Variants in SLC35D2 observed in about 807,000 individuals in gnomAD.
SLC35D2 encodes the protein solute carrier family 35 member D2, also known as nucleotide sugar transporter SLC35D2.
A neutral mutation model predicts 41.8 loss-of-function variants in SLC35D2; 43 were observed. The observed-to-expected ratio is 1.03, with a 90% CI of 0.81 to 1.33. SLC35D2 has a LOEUF of 1.33. SLC35D2 is among the 40% of genes most tolerant of loss of function. The pLI is 0.00. For missense variants in SLC35D2, 380 were observed against 408.4 expected (o/e 0.93, Z 0.60); for synonymous variants, 150 against 163.9 (o/e 0.92, Z 0.65).
At chr9:96,381,732 A>T (rs529163435) in intron 1 of SLC35D2, among the ~76,000 whole-genome samples, 2 of 152,314 alleles carry the variant, frequency 1.3e-5, no homozygotes, top group African/African-American at 4.8e-5. Flanking sequence ...AACGGTGGGA[A>T]AACACTGTTC....
At chr9:96,380,706 C>T (rs978506815) in intron 1 of SLC35D2, among the ~76,000 whole-genome samples, 5 of 151,986 alleles carry the variant, frequency 3.3e-5, no homozygotes, top group African/African-American at 1.2e-4. Context: ...AAATCCTGAC[C>T]TCATGATCTG....
intron 4 of SLC35D2, among the ~76,000 whole-genome samples, chr9:96,358,254 C>T (rs1830122652): frequency 6.6e-6 from 1 of 151,372 alleles, no homozygotes; most frequent in Admixed American, 6.6e-5. Context: ...TATGAGATGT[C>T]TAGAGTAGGC....
chr9:96,367,913 C>T (rs1041450193), intron 2 of SLC35D2, among the ~76,000 whole-genome samples: 2 of 152,208 alleles, frequency 1.3e-5, no homozygotes, highest in Admixed American at 6.5e-5. Flanking sequence ...AAGTATCAAG[C>T]TGACACTTTG....
At chr9:96,332,203 A>G (rs1165170002) in intron 9 of SLC35D2, among the ~76,000 whole-genome samples, 1 of 152,202 alleles carries the variant, frequency 6.6e-6, no homozygotes, top group Non-Finnish European at 1.5e-5. Context: ...GAAAGCAGGT[A>G]AGAGGCTGAG....
At chr9:96,332,768 G>A (rs1828866029) in intron 9 of SLC35D2, among the ~76,000 whole-genome samples, 1 of 151,800 alleles carries the variant, frequency 6.6e-6, no homozygotes, top group Admixed American at 6.6e-5. Context: ...GACACAGCGA[G>A]ACTCCATCTT....
intron 4 of SLC35D2, among the ~76,000 whole-genome samples, chr9:96,358,100 A>ATATATATATATATATC (rs1446341463): frequency 7.9e-6 from 1 of 126,498 alleles, no homozygotes; most frequent in African/African-American, 3.1e-5. Flanking sequence ...ATATATATAT[A>ATATATATATATATATC]TATATATACC....
intron 9 of SLC35D2, among the ~76,000 whole-genome samples, chr9:96,326,125 G>C (rs924960533): frequency 2.0e-5 from 3 of 152,172 alleles, no homozygotes; most frequent in Admixed American, 6.5e-5. Context: ...AAAGAAGAGC[G>C]TCGAAGTCTG....
intron 8 of SLC35D2, among the ~76,000 whole-genome samples, chr9:96,340,487 G>A (rs145892391): frequency 0.012 from 1,815 of 151,440 alleles, 20 homozygotes; most frequent in Non-Finnish European, 0.018. Flanking sequence ...CATCATGGTG[G>A]CGGGCGCCTG....
rs1828198357 is a variant in SLC35D2, at chr9:96,321,115, T to C, written c.*127A>G. Reference sequence around the variant, plus strand: ...CATATGAGGTAGTTCTCTTTGCATTTTGCAGATGCTCTCACTTGCCCAGGG... The same window carrying C: ...CATATGAGGTAGTTCTCTTTGCATTCTGCAGATGCTCTCACTTGCCCAGGG... On this transcript the variant is annotated 3_prime_UTR_variant, in exon 12 of 12. Transcript: ENST00000253270. 1.5e-6 allele frequency: 1 copy of C among 668,268 alleles called. No homozygotes were observed. The highest frequency in any genetic ancestry group is 1.8e-5 in the South Asian group (1 of 54,878). 41.4% of individuals were successfully genotyped at this position (668,268 alleles called of 1,614,324 possible).
At chr9:96,353,692 A>G (rs1829906094) in intron 4 of SLC35D2, among the ~76,000 whole-genome samples, 1 of 152,144 alleles carries the variant, frequency 6.6e-6, no homozygotes, top group African/African-American at 2.4e-5. Flanking sequence ...ATTATGGGTG[A>G]TTTTCTTCCC....
At chr9:96,324,268 C>T (rs7038558) in intron 9 of SLC35D2, 99 bp from the exon 10 acceptor site, 128,030 of 879,348 alleles carry the variant, frequency 0.15, 11,265 homozygotes, top group East Asian at 0.29. Context: ...GCACTTTAAG[C>T]GAAGAAAAAA....
At chr9:96,325,278 A>G (rs1294152599) in intron 9 of SLC35D2, among the ~76,000 whole-genome samples, 2 of 152,232 alleles carry the variant, frequency 1.3e-5, no homozygotes, top group Non-Finnish European at 2.9e-5. Flanking sequence ...AACCTCACCT[A>G]AGCTGCAACT....
intron 2 of SLC35D2, among the ~76,000 whole-genome samples, chr9:96,366,419 T>C (rs775134445): frequency 6.6e-6 from 1 of 151,818 alleles, no homozygotes. Flanking sequence ...CCTCAACAAA[T>C]TGCAAATCAG....
intron 9 of SLC35D2, among the ~76,000 whole-genome samples, chr9:96,325,912 G>C (rs1828505434): frequency 6.6e-6 from 1 of 152,148 alleles, no homozygotes; most frequent in African/African-American, 2.4e-5. Flanking sequence ...TGGCCTGAGT[G>C]TGTTTATTAC....
At chr9:96,316,409 G>A (rs1484680130), downstream of SLC35D2, among the ~76,000 whole-genome samples, 1 of 151,860 alleles carries the variant, frequency 6.6e-6, no homozygotes, top group Non-Finnish European at 1.5e-5. Context: ...GCTGAGGCAG[G>A]AGAATCCCTT....
intron 4 of SLC35D2, among the ~76,000 whole-genome samples, chr9:96,358,078 T>TATA (rs1491320526): frequency 2.3e-4 from 18 of 79,236 alleles, no homozygotes; most frequent in African/African-American, 1.1e-3. Context: ...ATATTATATA[T>TATA]TTTATATATA....
In SLC35D2 at chr9:96,383,702, C is replaced by T; in HGVS notation, c.-68G>A. On this transcript the variant is annotated 5_prime_UTR_variant, in exon 1 of 12. Transcript: ENST00000253270. ...GCGCACTGGTCCCGCCCGGCCGGGC[C>T]GGGGAAGAGGGCGCGGCAGGAACAG... 3 of 931,770 alleles carry T rather than the reference C, an allele frequency of 3.2e-6. No homozygotes were observed. Among genetic ancestry groups the T allele is most frequent in the South Asian group, 9.6e-5 (2 of 20,804 alleles). The allele number at this position is 931,770 out of a possible 1,614,324, so 57.7% of individuals were successfully genotyped here.
At chr9:96,320,537 A>G (rs1828170733), downstream of SLC35D2, among the ~76,000 whole-genome samples, 1 of 151,592 alleles carries the variant, frequency 6.6e-6, no homozygotes, top group Non-Finnish European at 1.5e-5. Context: ...AAAAATAGCT[A>G]ACAGGATAAA....
rs779472157 is a variant in SLC35D2, at chr9:96,320,880, G to A, written c.*362C>T. On this transcript the variant is annotated 3_prime_UTR_variant, in exon 12 of 12. Transcript: ENST00000253270. ...CTTTGGCTGGGACCTTGGGAATCAC[G>A]GCCAAGGTGCTGATCAGAAAAGAGT... The A allele has an allele frequency of 3.7e-5, 6 of 163,902 alleles. No homozygotes were observed. Among genetic ancestry groups the A allele is most frequent in the East Asian group, 1.7e-4 (1 of 5,782 alleles). 10.2% of individuals were successfully genotyped at this position (163,902 alleles called of 1,614,324 possible). A position where few individuals can be genotyped will look rare whatever the true frequency, so the allele number is the denominator to read the frequency against.
Sources: allele counts gnomAD v4.1 joint callset (sites outside exome capture counted in the v4.1 genomes callset), GRCh38; gene constraint gnomAD v4.1.1; transcripts MANE v1.5; gene names NCBI Gene and HGNC (gene_info 2026-07-23, HGNC 2026-07-21).